The following ERF variants were observed in gnomAD, a reference collection of about 807,000 sequenced individuals.
The protein encoded by ERF is ETS2 repressor factor, also known as ETS domain-containing transcription factor ERF.
ERF carries 10 observed loss-of-function variants against 41.6 expected under a neutral mutation model. That is an observed-to-expected ratio of 0.24 (90% CI 0.15 to 0.41). The LOEUF (loss-of-function observed/expected upper bound fraction) is 0.41, where lower values mean the gene tolerates loss of function less well. Among genes scored for constraint, ERF ranks in the 10% least tolerant of loss-of-function variants. The pLI is 1.00. For synonymous variants in ERF, 395 were observed against 342.4 expected (o/e 1.15, Z -1.70); for missense variants, 621 against 763.2 (o/e 0.81, Z 2.19).
chr19:42,254,035 G>A, intron 1 of ERF: 1 of 658,620 alleles, frequency 1.5e-6, no homozygotes, highest in Non-Finnish European at 1.9e-6. Context: ...CAGCCCGCGC[G>A]AGCCCGGGGG....
intron 1 of ERF, chr19:42,254,600 T>C (rs2036503628): frequency 5.0e-6 from 1 of 199,764 alleles, no homozygotes; most frequent in Non-Finnish European, 1.0e-5. Flanking sequence ...GAACCAGGGA[T>C]AGCGGGCCCG....
At chr19:42,253,881 G>A (rs2036489057) in intron 1 of ERF, 3 of 1,082,740 alleles carry the variant, frequency 2.8e-6, no homozygotes, top group East Asian at 1.0e-4. Context: ...CGCCGCCGCC[G>A]CCGCCGGGGG....
Position 42,249,294 on chromosome 19 carries a change from G to A in ERF, c.818C>T (p.Thr273Ile), listed in dbSNP as rs374191725. 1.2e-6 allele frequency: 2 copies of A among 1,602,550 alleles called. No homozygotes were observed. Among genetic ancestry groups the A allele is most frequent in the South Asian group, 1.1e-5 (1 of 90,130 alleles). Residue 273 changes from threonine (T) to isoleucine (I), a missense_variant, in exon 4 of 4, where the codon ACC becomes ATC. Thr to Ile is a moderately conservative substitution (Grantham distance 89). Coordinates refer to ENST00000222329, the MANE Select transcript of ERF (RefSeq NM_006494.4). This position sits in a 1 kb window ranked among gnomAD's most constrained non-coding sequence, Gnocchi z 8.6. ...QLSPALPMTPTHLAYTPSPTL... is the reference protein window; with the variant it reads ...QLSPALPMTPIHLAYTPSPTL... ...GGGCGAGGGAGTGTAGGCCAGGTGG[G>A]TGGGCGTCATGGGCAGAGCCGGGGA... is the stretch of plus-strand genomic sequence containing the variant.
rs540449476 is a variant in ERF, at chr19:42,248,666, T to C, written c.1446A>G (p.Leu482=). ...CTTCACTCCAGCGCCGCTTAAAGCGTAGCTTGAGGGGCATGCACTGGGATG... is the reference window on the plus strand; with the variant it reads ...CTTCACTCCAGCGCCGCTTAAAGCGCAGCTTGAGGGGCATGCACTGGGATG... ...PGASQCMPLK[L]RFKRRWSEDC... is the part of the protein sequence containing the mutation. Residue 482 remains leucine (L), a synonymous_variant, in exon 4 of 4, where the codon CTA becomes CTG. Coordinates refer to ENST00000222329, the MANE Select transcript of ERF (RefSeq NM_006494.4). The surrounding 1 kb of genome is among the most constrained non-coding windows in gnomAD (Gnocchi z 4.2). 1 of 1,604,694 alleles carries C rather than the reference T, an allele frequency of 6.2e-7. No homozygotes were observed. Among genetic ancestry groups the C allele is most frequent in the South Asian group, 1.1e-5 (1 of 90,602 alleles).
At chr19:42,251,112 G>T in intron 1 of ERF, 1 of 596,350 alleles carries the variant, frequency 1.7e-6, no homozygotes, top group Non-Finnish European at 2.1e-6. Flanking sequence ...GGGGTGGGGT[G>T]ACTCGGTTGC....
chr19:42,250,310 G>T lies in ERF; in HGVS notation c.257+21C>A. The T allele has an allele frequency of 6.2e-7, 1 of 1,610,950 alleles. No individual in the cohort carries two copies. The highest frequency in any genetic ancestry group is 8.5e-7 in the Non-Finnish European group (1 of 1,178,136). On this transcript the variant is annotated intron_variant, in intron 2 of 3. Coordinates refer to ENST00000222329, the MANE Select transcript of ERF (RefSeq NM_006494.4). The surrounding 1 kb of genome is among the most constrained non-coding windows in gnomAD (Gnocchi z 5.1). ...GGGGGGGCACTCCACATGTGCTCAGGGGTCCCCAGCCCGTCCTCACCGCAG... is the reference window on the plus strand; with the variant it reads ...GGGGGGGCACTCCACATGTGCTCAGTGGTCCCCAGCCCGTCCTCACCGCAG...
At position 42,248,741 on chromosome 19, in the gene ERF, G is replaced by C. The variant is rs1470891150; in HGVS notation, c.1371C>G (p.Pro457=). The change falls in exon 4 of 4, where the codon CCC becomes CCG. Residue 457 remains proline, a synonymous_variant. Transcript: ENST00000222329. The surrounding 1 kb of genome is among the most constrained non-coding windows in gnomAD (Gnocchi z 4.2). ...DEEDGEVFKT[P]RAPPAPPKPE... is the part of the protein sequence containing the mutation. ...GCTTAGGGGGTGCAGGTGGGGCACG[G>C]GGCGTCTTGAACACCTCCCCGTCTT... 2 of 1,613,626 alleles carry C rather than the reference G, an allele frequency of 1.2e-6. No individual in the cohort carries two copies. Among genetic ancestry groups the C allele is most frequent in the African/African-American group, 1.3e-5 (1 of 75,052 alleles).
chr19:42,254,701 C>T, intron 1 of ERF: 3 of 336,704 alleles, frequency 8.9e-6, no homozygotes, highest in Non-Finnish European at 1.1e-5. Context: ...CCCCCGTGAT[C>T]CCGGGAGTGG....
chr19:42,252,908 G>A (rs1431976664), intron 1 of ERF, among the ~76,000 whole-genome samples: 2 of 152,170 alleles, frequency 1.3e-5, no homozygotes, highest in African/African-American at 4.8e-5. Context: ...GGGGGTGCGG[G>A]ACCTCGGGAA....
chr19:42,249,166 C>T lies in ERF; in HGVS notation c.946G>A (p.Ala316Thr). ...SPEDMKRYLQ[A>T]HTQSVYNYHL... ...TAGTTGTAGACGCTTTGGGTGTGGG[C>T]CTGCAGGTACCGTTTCATGTCCTCA... The change falls in exon 4 of 4, where the codon GCC (alanine) becomes ACC (threonine). Residue 316 changes from alanine (A) to threonine (T), a missense_variant. Ala to Thr is a moderately conservative substitution (Grantham distance 58, BLOSUM62 0). Around this residue, in one of 3 missense-constraint regions of ERF, gnomAD observed 569 missense variants for 625.5 expected, o/e 0.91. Coordinates refer to ENST00000222329, the MANE Select transcript of ERF (RefSeq NM_006494.4). This position sits in a 1 kb window ranked among gnomAD's most constrained non-coding sequence, Gnocchi z 8.6. 6.2e-7 allele frequency: 1 copy of T among 1,613,882 alleles called. No homozygotes were observed. The highest frequency in any genetic ancestry group is 8.5e-7 in the Non-Finnish European group (1 of 1,179,902).
chr19:42,248,768 C>T lies in ERF; in HGVS notation c.1344G>A (p.Glu448=). ...GCGTCTTGAACACCTCCCCGTCTTC[C>T]TCATCCTCATCACTGATGTCAGTCA... ...VEVTDISDED[E]EDGEVFKTPR... The change falls in exon 4 of 4, where the codon GAG becomes GAA. Residue 448 remains glutamate (E), a synonymous_variant. Transcript: ENST00000222329. The surrounding 1 kb of genome is among the most constrained non-coding windows in gnomAD (Gnocchi z 4.2). 1 of 1,613,560 alleles carries T rather than the reference C, an allele frequency of 6.2e-7. No homozygotes were observed. The highest frequency in any genetic ancestry group is 2.2e-5 in the East Asian group (1 of 44,880).
At position 42,248,615 on chromosome 19, in the gene ERF, G is replaced by A; in HGVS notation, c.1497C>T (p.Gly499=). The A allele has an allele frequency of 1.3e-6, 2 of 1,581,176 alleles. No individual in the cohort carries two copies. The highest frequency in any genetic ancestry group is 2.3e-5 in the South Asian group (2 of 86,998). The change falls in exon 4 of 4, where the codon GGC becomes GGT. Residue 499 remains glycine (G), a synonymous_variant. Transcript: ENST00000222329. The surrounding 1 kb of genome is among the most constrained non-coding windows in gnomAD (Gnocchi z 4.2). The part of the protein sequence containing the change: ...SEDCRLEGGG[G]PAGGFEDEGE... ...CCTCATCCTCAAAGCCCCCAGCGGG[G>A]CCCCCACCCCCTTCGAGGCGACAGT...
chr19:42,248,598 T>C lies in ERF; in HGVS notation c.1514A>G (p.Glu505Gly). ...EGGGGPAGGF[E>G]DEGEDKKVRG... ...CACCTTCTTGTCCTCACCCTCATCC[T>C]CAAAGCCCCCAGCGGGGCCCCCACC... is the stretch of plus-strand genomic sequence containing the variant. The change falls in exon 4 of 4, where the codon GAG (glutamate) becomes GGG (glycine). Residue 505 changes from glutamate (E) to glycine (G), a missense_variant. Physicochemically the swap from Glu to Gly is moderately conservative, Grantham distance 98. This residue lies in a region of ERF where 569 missense variants were observed against 625.5 expected (regional missense o/e 0.91). Transcript: ENST00000222329. The surrounding 1 kb of genome is among the most constrained non-coding windows in gnomAD (Gnocchi z 4.2). 1.9e-6 allele frequency: 3 copies of C among 1,581,192 alleles called. No individual in the cohort carries two copies. Among genetic ancestry groups the C allele is most frequent in the South Asian group, 2.3e-5 (2 of 86,810 alleles).
Position 42,248,840 on chromosome 19 carries a change from C to T in ERF, c.1272G>A (p.Gln424=). The T allele has an allele frequency of 6.2e-7, 1 of 1,612,340 alleles. No individual in the cohort carries two copies. Among genetic ancestry groups the T allele is most frequent in the Non-Finnish European group, 8.5e-7 (1 of 1,179,598 alleles). The change falls in exon 4 of 4, where the codon CAG becomes CAA. Residue 424 remains glutamine, a synonymous_variant. Coordinates refer to ENST00000222329, the MANE Select transcript of ERF (RefSeq NM_006494.4). This position sits in a 1 kb window ranked among gnomAD's most constrained non-coding sequence, Gnocchi z 4.2. ...GALAPPPPPP[Q]IKVEPISEGE... is the part of the protein sequence containing the mutation. ...CTTCCGAGATGGGCTCCACCTTGAT[C>T]TGTGGTGGCGGGGGCGGTGGGGCTA...
chr19:42,251,268 A>G (rs1003440334), intron 1 of ERF: 130 of 985,884 alleles, frequency 1.3e-4, no homozygotes, highest in Non-Finnish European at 1.5e-4. Flanking sequence ...ACCTGGCTGG[A>G]GGGCCCAGCC....
Position 42,248,398 on chromosome 19 carries a change from TA to T in ERF, c.*66del, listed in dbSNP as rs2036367543. 5 of 1,372,084 alleles carry T rather than the reference TA, an allele frequency of 3.6e-6. No homozygotes were observed. The highest frequency in any genetic ancestry group is 4.7e-6 in the Non-Finnish European group (5 of 1,055,364). 85.0% of individuals were successfully genotyped at this position (1,372,084 alleles called of 1,614,324 possible). A position where few individuals can be genotyped will look rare whatever the true frequency, so the allele number is the denominator to read the frequency against. Reference sequence around the variant, plus strand: ...GAGAGCTGCCCTCACCTCCAGGGCATAGGGGGCTTAAGGCAGCAAAAGAAGC... The same window carrying T: ...GAGAGCTGCCCTCACCTCCAGGGCATGGGGGCTTAAGGCAGCAAAAGAAGC... On this transcript the variant is annotated 3_prime_UTR_variant, in exon 4 of 4. Coordinates refer to ENST00000222329, the MANE Select transcript of ERF (RefSeq NM_006494.4). The surrounding 1 kb of genome is among the most constrained non-coding windows in gnomAD (Gnocchi z 4.2).
intron 1 of ERF, among the ~76,000 whole-genome samples, chr19:42,253,239 C>G (rs958792248): frequency 6.6e-6 from 1 of 152,308 alleles, no homozygotes; most frequent in East Asian, 1.9e-4. Context: ...CCACCTCCCC[C>G]ACTCCAGGCG....
chr19:42,249,654 A>G lies in ERF; in HGVS notation c.458T>C (p.Leu153Pro). ...RFPPSTPSEVLSPTEDPRSPP... is the reference protein window; with the variant it reads ...RFPPSTPSEVPSPTEDPRSPP... ...TGAGCGGGGGTCCTCGGTGGGGGAC[A>G]GCACCTCGGAGGGCGTTGAGGGAGG... The change falls in exon 4 of 4, where the codon CTG (leucine) becomes CCG (proline). Residue 153 changes from leucine to proline, a missense_variant. Transcript: ENST00000222329. The surrounding 1 kb of genome is among the most constrained non-coding windows in gnomAD (Gnocchi z 8.6). The G allele has an allele frequency of 1.2e-6, 2 of 1,607,726 alleles. No homozygotes were observed. The highest frequency in any genetic ancestry group is 1.7e-6 in the Non-Finnish European group (2 of 1,176,642).
intron 1 of ERF, among the ~76,000 whole-genome samples, 191 bp downstream of exon 1, chr19:42,254,787 G>A (rs1321006189): frequency 3.9e-5 from 6 of 152,308 alleles, no homozygotes; most frequent in Non-Finnish European, 5.9e-5. Context: ...TCCGCCCGGA[G>A]CCAGGAATCG....
Sources: gnomAD v4.1 joint callset for allele counts (sites outside exome capture counted in the v4.1 genomes callset) on GRCh38, gnomAD v4.1.1 for gene constraint, gnomAD v4.1.1 regional missense constraint, Gnocchi (gnomAD v3.1) non-coding constraint, MANE v1.5 for transcripts, NCBI Gene and HGNC (gene_info 2026-07-23, HGNC 2026-07-21) for gene names.